Variants in NAPB observed in about 807,000 individuals in gnomAD.
NAPB encodes NSF attachment protein beta, also known as beta-soluble NSF attachment protein.
In NAPB, 26 loss-of-function variants were observed where a neutral mutation model predicts 44.7. That is an observed-to-expected ratio of 0.58 (90% CI 0.43 to 0.81). The LOEUF is 0.81. NAPB is among the 30% of genes least tolerant of loss of function. NAPB has a pLI of 0.00. For missense variants in NAPB, 315 were observed against 356.4 expected (o/e 0.88, Z 0.94); for synonymous variants, 120 against 116.8 (o/e 1.03, Z -0.18).
intron 1 of NAPB, among the ~76,000 whole-genome samples, chr20:23,411,928 G>C (rs1985684251): frequency 6.6e-6 from 1 of 152,118 alleles, no homozygotes. Context: ...TTTCAGATCT[G>C]CTCAAAAAAC....
intron 3 of NAPB, among the ~76,000 whole-genome samples, chr20:23,396,485 AAATT>A (rs1984373618): frequency 6.6e-6 from 1 of 152,268 alleles, no homozygotes; most frequent in Admixed American, 6.5e-5. Context: ...GGAAGGTAAG[AAATT>A]AATACTTTTA....
Position 23,377,487 on chromosome 20 carries a change from C to T in NAPB, c.787-1G>A. 6.3e-7 allele frequency: 1 copy of T among 1,588,432 alleles called. No homozygotes were observed. The highest frequency in any genetic ancestry group is 8.6e-7 in the Non-Finnish European group (1 of 1,162,290). On this transcript the variant is annotated splice_acceptor_variant, in intron 10 of 10. Transcript: ENST00000377026. LOFTEE classifies it high-confidence loss of function. ...GAGATATTGAGTCAAATTCCTTCAC[C>T]TAGTATAAGGAAAGAGGAACAGGAA...
At position 23,377,395 on chromosome 20, in the gene NAPB, C is replaced by T; in HGVS notation, c.878G>A (p.Gly293Glu). The change falls in exon 11 of 11, where the codon GGA becomes GAA. Residue 293 changes from glycine to glutamate, a missense_variant. Physicochemically the swap from Gly to Glu is moderately conservative, Grantham distance 98. This residue lies in a region of NAPB where 120 missense variants were observed against 130.5 expected (regional missense o/e 0.92). Coordinates refer to ENST00000377026, the MANE Select transcript of NAPB (RefSeq NM_022080.3). The stretch of plus-strand genomic sequence containing the variant: ...AACATTTCATTTTAGGTCTCCATCT[C>T]CTTCTCCATCCCCTTGGATGGACTT... ...IKKSIQGDGEGDGDLK is the reference protein window; with the variant it reads ...IKKSIQGDGEEDGDLK 6.3e-7 allele frequency: 1 copy of T among 1,593,998 alleles called. No individual in the cohort carries two copies. The highest frequency in any genetic ancestry group is 8.6e-7 in the Non-Finnish European group (1 of 1,166,340).
In NAPB at chr20:23,421,290, C is replaced by A. The variant is rs894203784; in HGVS notation, c.98+15G>T. The A allele has an allele frequency of 7.2e-6, 11 of 1,532,652 alleles. No individual in the cohort carries two copies. Among genetic ancestry groups the A allele is most frequent in the Non-Finnish European group, 9.7e-6 (11 of 1,133,498 alleles). 94.9% of individuals were successfully genotyped at this position (1,532,652 alleles called of 1,614,324 possible). A position where few individuals can be genotyped will look rare whatever the true frequency, so the allele number is the denominator to read the frequency against. On this transcript the variant is annotated intron_variant, in intron 1 of 10. Coordinates refer to ENST00000377026, the MANE Select transcript of NAPB (RefSeq NM_022080.3). ...AGACCCCCCCCCCCCAGGGCACGCA[C>A]GGTCTGGCGCTCACCCAAACAGCCC...
intron 9 of NAPB, 36 bp downstream of exon 9, chr20:23,379,830 CA>C (rs770756569): frequency 6.6e-7 from 1 of 1,526,552 alleles, no homozygotes; most frequent in African/African-American, 1.4e-5. Context: ...CCTAACAGAA[CA>C]AAAGCATTTT....
intron 7 of NAPB, among the ~76,000 whole-genome samples, chr20:23,385,104 GCAAGACTCTGTCT>G (rs960257677): frequency 6.6e-6 from 1 of 150,494 alleles, no homozygotes; most frequent in African/African-American, 2.4e-5. Flanking sequence ...AGGAGACAGA[GCAAGACTCTGTCT>G]CAAAACAAAC....
intron 8 of NAPB, chr20:23,380,907 C>T (rs1186721327): frequency 4.0e-6 from 1 of 246,946 alleles, no homozygotes; most frequent in Non-Finnish European, 8.0e-6. Context: ...GCCTATAGCA[C>T]TAAATATTCC....
In NAPB at chr20:23,419,843, C is replaced by CGT. The variant is rs1266693920; in HGVS notation, c.98+1461_98+1462insAC. 4.6e-5 allele frequency among the ~76,000 whole-genome samples: 7 copies of CGT among 152,212 alleles called. No homozygotes were observed. The East Asian group carries it at 1.2e-3, about 25-fold the overall frequency. ...TTCTTGCATTTTTGCAGCCTTTATG[C>CGT]ATTTCTGCAGTTATGCGTACTGCAT... On this transcript the variant is annotated intron_variant, in intron 1 of 10. Transcript: ENST00000377026.
At chr20:23,397,575 G>A (rs1433139798) in intron 2 of NAPB, among the ~76,000 whole-genome samples, 2 of 150,304 alleles carry the variant, frequency 1.3e-5, no homozygotes, top group Non-Finnish European at 2.9e-5. Context: ...TGAGCGCAAA[G>A]ATATTTGCTC....
intron 2 of NAPB, 94 bp from the exon 3 acceptor site, chr20:23,397,282 C>T (rs754230062): frequency 1.2e-4 from 166 of 1,402,922 alleles, no homozygotes; most frequent in Non-Finnish European, 1.6e-4. Context: ...AAATTATATT[C>T]CACTGAAAAG....
intron 7 of NAPB, among the ~76,000 whole-genome samples, chr20:23,388,150 T>C (rs529273445): frequency 5.9e-5 from 9 of 152,282 alleles, no homozygotes; most frequent in Admixed American, 1.3e-4. Flanking sequence ...AGCTATACCA[T>C]TGGCTCTCCT....
chr20:23,388,862 A>AT (rs1310522923), intron 7 of NAPB, among the ~76,000 whole-genome samples: 1 of 152,152 alleles, frequency 6.6e-6, no homozygotes, highest in African/African-American at 2.4e-5. Flanking sequence ...TTTCTTCTAT[A>AT]TAACAACAAA....
At chr20:23,388,995 C>T (rs1983736174) in intron 7 of NAPB, among the ~76,000 whole-genome samples, 1 of 151,956 alleles carries the variant, frequency 6.6e-6, no homozygotes, top group African/African-American at 2.4e-5. Flanking sequence ...ACTTGCAAAT[C>T]ACATATCTAA....
At position 23,397,196 on chromosome 20, in the gene NAPB, A is replaced by C; in HGVS notation, c.179-8T>G. 1.2e-6 allele frequency: 2 copies of C among 1,609,008 alleles called. No homozygotes were observed. Among genetic ancestry groups the C allele is most frequent in the Admixed American group, 3.3e-5 (2 of 59,836 alleles). On this transcript the variant is annotated splice_polypyrimidine_tract_variant and splice_region_variant and intron_variant, in intron 2 of 10. Transcript: ENST00000377026. ...AAAATGCGTTTCCTGCAGCTGAAGA[A>C]GACACTACAATTAAACACAGAGGAA...
At chr20:23,386,624 T>C (rs1026902413) in intron 7 of NAPB, among the ~76,000 whole-genome samples, 2 of 152,190 alleles carry the variant, frequency 1.3e-5, no homozygotes, top group South Asian at 4.1e-4. Context: ...TGGACCCCAA[T>C]AAAAACTCAG....
At chr20:23,416,663 C>T (rs182772080) in intron 1 of NAPB, among the ~76,000 whole-genome samples, 97 of 152,138 alleles carry the variant, frequency 6.4e-4, no homozygotes, top group Non-Finnish European at 9.1e-4. Flanking sequence ...CACAAATATA[C>T]GTATATATTT....
At chr20:23,394,125 T>C (rs1461824078) in intron 5 of NAPB, among the ~76,000 whole-genome samples, 1 of 152,160 alleles carries the variant, frequency 6.6e-6, no homozygotes, top group African/African-American at 2.4e-5. Flanking sequence ...AGGGGTCTAA[T>C]GACTGTCAGC....
chr20:23,387,672 A>G (rs1983627757), intron 7 of NAPB, among the ~76,000 whole-genome samples: 1 of 152,246 alleles, frequency 6.6e-6, no homozygotes, highest in South Asian at 2.1e-4. Flanking sequence ...TTTGGAGTAT[A>G]TTTCACCCAA....
chr20:23,379,636 T>C, intron 9 of NAPB, 141 bp from the exon 10 acceptor site: 1 of 701,540 alleles, frequency 1.4e-6, no homozygotes, highest in Non-Finnish European at 2.4e-6. Flanking sequence ...AGAGCCAAGT[T>C]AGGGATCTAG....
Sources: allele counts gnomAD v4.1 joint callset (sites outside exome capture counted in the v4.1 genomes callset), GRCh38; gene constraint gnomAD v4.1.1; regional missense constraint gnomAD v4.1.1; transcripts MANE v1.5; gene names NCBI Gene and HGNC (gene_info 2026-07-23, HGNC 2026-07-21).